The following RGPD2 variants were observed in gnomAD, a reference collection of about 807,000 sequenced individuals.
RGPD2 encodes the protein RANBP2 like and GRIP domain containing 2, also known as RANBP2-like and GRIP domain-containing protein 2.
A neutral mutation model predicts 36.0 loss-of-function variants in RGPD2; 2 were observed. The observed-to-expected ratio is 0.06, with a 90% confidence interval of 0.02 to 0.17. The LOEUF (loss-of-function observed/expected upper bound fraction) is 0.17. RGPD2 is among the 10% of genes least tolerant of loss of function. RGPD2 has a pLI of 1.00. For missense variants in RGPD2, 40 were observed against 464.3 expected (o/e 0.09, Z 8.40); for synonymous variants, 19 against 163.8 (o/e 0.12, Z 6.75).
At chr2:87,985,050 A>G in the RGPD2 span, among the ~76,000 whole-genome samples, 1 of 144,330 alleles carries the variant, frequency 6.9e-6, no homozygotes, top group African/African-American at 2.6e-5. Flanking sequence ...AGAGTGACCC[A>G]GGCAAAGTTG....
At chr2:87,961,608 A>T in the RGPD2 span, among the ~76,000 whole-genome samples, 1 of 147,614 alleles carries the variant, frequency 6.8e-6, no homozygotes, top group Non-Finnish European at 1.5e-5. Context: ...AGGCTGAGGC[A>T]CGAGAATCGC....
the RGPD2 span, among the ~76,000 whole-genome samples, chr2:87,837,391 T>C: frequency 6.8e-6 from 1 of 147,524 alleles, no homozygotes; most frequent in Admixed American, 6.9e-5. Flanking sequence ...CAGTGCAATA[T>C]AAATAGAAAT....
the RGPD2 span, among the ~76,000 whole-genome samples, chr2:87,860,890 T>C: frequency 6.6e-6 from 1 of 151,562 alleles, no homozygotes; most frequent in Non-Finnish European, 1.5e-5. Flanking sequence ...GAAAGGTATA[T>C]GACTATCTTA....
chr2:87,842,717 G>A, the RGPD2 span, among the ~76,000 whole-genome samples: 1 of 151,798 alleles, frequency 6.6e-6, no homozygotes, highest in Non-Finnish European at 1.5e-5. Flanking sequence ...CTACTTTAAA[G>A]TTCATATGGA....
the RGPD2 span, among the ~76,000 whole-genome samples, chr2:87,845,124 CTA>C: frequency 4.6e-5 from 5 of 109,750 alleles, no homozygotes; most frequent in African/African-American, 1.7e-4. Context: ...TGCACTGTGG[CTA>C]AGAGTATGTC....
the RGPD2 span, among the ~76,000 whole-genome samples, chr2:87,864,643 A>G: frequency 1.3e-5 from 2 of 152,162 alleles, no homozygotes; most frequent in African/African-American, 2.4e-5. Context: ...ATAGATAGTA[A>G]GTAGATAGTA....
At chr2:87,951,743 C>T in the RGPD2 span, among the ~76,000 whole-genome samples, 10 of 143,360 alleles carry the variant, frequency 7.0e-5, no homozygotes, top group South Asian at 2.5e-3. Flanking sequence ...TGCCACCACA[C>T]CTGGCTAACT....
At chr2:87,978,861 C>T in the RGPD2 span, among the ~76,000 whole-genome samples, 43 of 147,284 alleles carry the variant, frequency 2.9e-4, no homozygotes, top group Admixed American at 8.9e-4. Flanking sequence ...GAGATTACAG[C>T]CAACTACGAT....
intron 6 of RGPD2, among the ~76,000 whole-genome samples, chr2:87,809,758 C>A (rs1239191783): frequency 4.6e-5 from 7 of 151,630 alleles, no homozygotes; most frequent in Non-Finnish European, 8.8e-5. Context: ...AAGTCACCCC[C>A]TCATGGTCCG....
chr2:87,852,709 GTTC>G, the RGPD2 span, among the ~76,000 whole-genome samples: 1 of 152,270 alleles, frequency 6.6e-6, no homozygotes. Flanking sequence ...TGCGCAGAAT[GTTC>G]TTCTAGATAT....
At chr2:87,849,532 G>A in the RGPD2 span, among the ~76,000 whole-genome samples, 13,010 of 144,330 alleles carry the variant, frequency 0.09, no homozygotes, top group Middle Eastern at 0.11. Flanking sequence ...GATTTTTCTC[G>A]TTTTTCAGAT....
At chr2:87,866,625 GGGTGCAT>G in the RGPD2 span, among the ~76,000 whole-genome samples, 1 of 152,286 alleles carries the variant, frequency 6.6e-6, no homozygotes. Flanking sequence ...CAGCCACGCA[GGGTGCAT>G]GGTGGCTCCC....
At chr2:87,798,712 A>C (rs1685783730) in intron 8 of RGPD2, among the ~76,000 whole-genome samples, 1 of 141,466 alleles carries the variant, frequency 7.1e-6, no homozygotes, top group African/African-American at 2.5e-5. Context: ...AAAAAAAAAA[A>C]AAAAAATTAG....
the RGPD2 span, among the ~76,000 whole-genome samples, chr2:87,836,537 T>G: frequency 6.6e-6 from 1 of 151,264 alleles, no homozygotes; most frequent in African/African-American, 2.4e-5. Context: ...AAATATTTAT[T>G]AGACCAAGAA....
the RGPD2 span, among the ~76,000 whole-genome samples, chr2:87,864,572 TAGATGATA>T: frequency 6.7e-6 from 1 of 149,978 alleles, no homozygotes; most frequent in African/African-American, 2.5e-5. Flanking sequence ...TAGACATAGA[TAGATGATA>T]GATAGATAGA....
At chr2:87,857,792 A>C in the RGPD2 span, among the ~76,000 whole-genome samples, 4 of 151,186 alleles carry the variant, frequency 2.6e-5, no homozygotes, top group East Asian at 5.9e-4. Context: ...AAAAAAAAAA[A>C]AAAAATTAGC....
chr2:87,890,151 A>ATTTTTTT, the RGPD2 span, among the ~76,000 whole-genome samples: 1 of 68,238 alleles, frequency 1.5e-5, no homozygotes. Context: ...CCTTATGCCC[A>ATTTTTTT]TTATATTACG....
chr2:87,760,910 C>T lies in RGPD2; in HGVS notation c.5237-3484G>A, dbSNP rs529081232. 1.2e-4 allele frequency among the ~76,000 whole-genome samples: 18 copies of T among 150,510 alleles called. No homozygotes were observed. The East Asian group carries it at 2.9e-3, about 24-fold the overall frequency. The stretch of plus-strand genomic sequence containing the variant: ...GGCATTATAGGCGTAAGCCACCATG[C>T]CTGGCTTTCTCTTTTTCTTCTCTTT... On this transcript the variant is annotated intron_variant, in intron 22 of 22. Coordinates refer to ENST00000398146, the MANE Select transcript of RGPD2 (RefSeq NM_001078170.3).
At chr2:87,838,258 ACTGC>A in the RGPD2 span, among the ~76,000 whole-genome samples, 2 of 96,310 alleles carry the variant, frequency 2.1e-5, no homozygotes, top group African/African-American at 3.9e-5. Context: ...AGTCAAACAC[ACTGC>A]AAAAAAGGAA....
Sources: gnomAD v4.1 joint callset for allele counts (sites outside exome capture counted in the v4.1 genomes callset) on GRCh38, gnomAD v4.1.1 for gene constraint, MANE v1.5 for transcripts, NCBI Gene and HGNC (gene_info 2026-07-23, HGNC 2026-07-21) for gene names.